Variants in DGKB observed in about 807,000 individuals in gnomAD.
DGKB encodes diacylglycerol kinase beta.
In DGKB, 67 loss-of-function variants were observed where a neutral mutation model predicts 114.3. That is an observed-to-expected ratio of 0.59 (90% CI 0.48 to 0.72). The LOEUF is 0.72. Ranked by LOEUF, DGKB falls within the 30% of genes least tolerant of loss-of-function variation. The pLI, the probability that DGKB is intolerant of heterozygous loss-of-function variation, is 0.00. For synonymous variants in DGKB, 398 were observed against 323.1 expected (o/e 1.23, Z -2.49); for missense variants, 907 against 975.2 (o/e 0.93, Z 0.93).
chr7:14,476,326 T>C (rs1018313685), intron 21 of DGKB, among the ~76,000 whole-genome samples: 16 of 152,164 alleles, frequency 1.1e-4, no homozygotes, highest in South Asian at 6.2e-4. Flanking sequence ...TTCACTGTTA[T>C]GTCAATTTAT....
At chr7:14,446,064 C>T (rs1830687261) in intron 21 of DGKB, among the ~76,000 whole-genome samples, 1 of 152,118 alleles carries the variant, frequency 6.6e-6, no homozygotes, top group Non-Finnish European at 1.5e-5. Context: ...TCCCCTTTCA[C>T]ACATATCCCA....
intron 17 of DGKB, among the ~76,000 whole-genome samples, chr7:14,590,731 T>C (rs1184406715): frequency 6.6e-6 from 1 of 152,154 alleles, no homozygotes; most frequent in African/African-American, 2.4e-5. Context: ...AACTTTAGAA[T>C]AGAATTAACA....
At chr7:14,725,003 C>G (rs1271700033) in intron 5 of DGKB, among the ~76,000 whole-genome samples, 1 of 152,004 alleles carries the variant, frequency 6.6e-6, no homozygotes, top group African/African-American at 2.4e-5. Context: ...AACTTCATCT[C>G]TATAAAAAAA....
intron 1 of DGKB, among the ~76,000 whole-genome samples, chr7:14,945,610 T>C (rs9655118): frequency 6.6e-6 from 1 of 151,674 alleles, no homozygotes; most frequent in African/African-American, 2.4e-5. Flanking sequence ...CACGCACAAG[T>C]ACAAGACTGC....
At chr7:14,954,253 G>C (rs1315756600) in intron 1 of DGKB, among the ~76,000 whole-genome samples, 3 of 152,126 alleles carry the variant, frequency 2.0e-5, no homozygotes, top group Non-Finnish European at 4.4e-5. Flanking sequence ...GGCAACTGAT[G>C]TCCATGGTGC....
At chr7:14,508,144 C>T (rs908798410) in intron 20 of DGKB, among the ~76,000 whole-genome samples, 3 of 152,054 alleles carry the variant, frequency 2.0e-5, no homozygotes, top group Admixed American at 6.6e-5. Context: ...TGCATCTTGT[C>T]TTTATTTATA....
intron 21 of DGKB, among the ~76,000 whole-genome samples, chr7:14,416,417 A>G (rs1825737015): frequency 6.6e-6 from 1 of 152,068 alleles, no homozygotes; most frequent in African/African-American, 2.4e-5. Context: ...ATACCCTTCA[A>G]ATTGATTTAT....
chr7:14,926,315 T>C (rs1197311711), intron 1 of DGKB, among the ~76,000 whole-genome samples: 1 of 152,054 alleles, frequency 6.6e-6, no homozygotes, highest in Admixed American at 6.6e-5. Flanking sequence ...ATCTGTTGAC[T>C]TTCTTTTCTC....
chr7:14,245,257 T>C (rs953410418), intron 23 of DGKB, among the ~76,000 whole-genome samples: 1 of 152,074 alleles, frequency 6.6e-6, no homozygotes, highest in African/African-American at 2.4e-5. Context: ...ATAAATGTCC[T>C]ACTGAAAAGT....
At chr7:14,778,623 A>G (rs1251381026) in intron 2 of DGKB, among the ~76,000 whole-genome samples, 1 of 152,202 alleles carries the variant, frequency 6.6e-6, no homozygotes, top group East Asian at 1.9e-4. Context: ...AAACTAGTTA[A>G]TTGAGGTCTC....
intron 1 of DGKB, among the ~76,000 whole-genome samples, chr7:14,876,005 C>T (rs1254950111): frequency 6.6e-6 from 1 of 152,126 alleles, no homozygotes; most frequent in African/African-American, 2.4e-5. Flanking sequence ...AGACCTTTAT[C>T]ACTATCCTGT....
At chr7:14,833,179 C>A (rs776356663) in intron 2 of DGKB, among the ~76,000 whole-genome samples, 1 of 152,024 alleles carries the variant, frequency 6.6e-6, no homozygotes, top group South Asian at 2.1e-4. Flanking sequence ...CTTCATGGAA[C>A]CCCACATATT....
At chr7:14,816,776 T>A (rs1844218897) in intron 2 of DGKB, among the ~76,000 whole-genome samples, 1 of 152,204 alleles carries the variant, frequency 6.6e-6, no homozygotes, top group African/African-American at 2.4e-5. Flanking sequence ...CTGTCAACAC[T>A]TTGTAATAGC....
chr7:14,608,560 A>G (rs1299260593), intron 16 of DGKB, among the ~76,000 whole-genome samples: 1 of 152,040 alleles, frequency 6.6e-6, no homozygotes, highest in Non-Finnish European at 1.5e-5. Context: ...CTCCTATTCA[A>G]CATAGTTCTG....
At chr7:14,793,402 C>G (rs1358808234) in intron 2 of DGKB, among the ~76,000 whole-genome samples, 6 of 152,098 alleles carry the variant, frequency 3.9e-5, no homozygotes, top group African/African-American at 1.4e-4. Context: ...TTAGGACACT[C>G]TAAATGCCAT....
intron 2 of DGKB, among the ~76,000 whole-genome samples, chr7:14,802,828 C>T (rs1296712889): frequency 2.6e-5 from 4 of 152,104 alleles, no homozygotes; most frequent in African/African-American, 9.7e-5. Flanking sequence ...GTCTCTTCGC[C>T]TTGCTAATTT....
intron 23 of DGKB, among the ~76,000 whole-genome samples, chr7:14,194,894 A>C (rs1334226911): frequency 6.6e-6 from 1 of 151,972 alleles, no homozygotes; most frequent in Non-Finnish European, 1.5e-5. Flanking sequence ...ATTGTCAACA[A>C]CCTCTCTATA....
intron 21 of DGKB, among the ~76,000 whole-genome samples, chr7:14,363,588 T>G (rs370704218): frequency 6.6e-6 from 1 of 152,078 alleles, no homozygotes; most frequent in Non-Finnish European, 1.5e-5. Flanking sequence ...TATGAAGAGA[T>G]AAGATTGTGC....
chr7:14,484,436 G>A (rs901859502), intron 20 of DGKB, among the ~76,000 whole-genome samples: 3 of 152,132 alleles, frequency 2.0e-5, no homozygotes, highest in Non-Finnish European at 2.9e-5. Context: ...CTTCAGCACC[G>A]TCTCCTTGGT....
Sources: gnomAD v4.1 joint callset for allele counts (sites outside exome capture counted in the v4.1 genomes callset) on GRCh38, gnomAD v4.1.1 for gene constraint, MANE v1.5 for transcripts, NCBI Gene and HGNC (gene_info 2026-07-23, HGNC 2026-07-21) for gene names.